The following ATP8A2 variants were observed in gnomAD, a reference collection of about 807,000 sequenced individuals.
ATP8A2 encodes ATPase phospholipid transporting 8A2.
In ATP8A2, 100 loss-of-function variants were observed where a neutral mutation model predicts 165.6. The ratio of observed to expected loss-of-function variants is 0.60; its 90% CI spans 0.51 to 0.71. The LOEUF (loss-of-function observed/expected upper bound fraction) is 0.71, where lower values mean the gene tolerates loss of function less well. ATP8A2 is among the 30% of genes least tolerant of loss of function. The probability of loss-of-function intolerance (pLI) is 0.00; values close to 1 mark genes in which losing one functional copy is unlikely to be tolerated. For synonymous variants in ATP8A2, 543 were observed against 548.8 expected, an observed-to-expected ratio of 0.99 and a Z score of 0.15; for missense variants, 1,227 against 1,479.5, an observed-to-expected ratio of 0.83 and a Z score of 2.80.
At chr13:25,824,045 T>C (rs1455152500) in intron 27 of ATP8A2, among the ~76,000 whole-genome samples, 1 of 152,054 alleles carries the variant, frequency 6.6e-6, no homozygotes, top group African/African-American at 2.4e-5. Context: ...ATCTTGGCTC[T>C]ATGCAACCTC....
chr13:25,987,202 C>T (rs1956293942), intron 35 of ATP8A2, among the ~76,000 whole-genome samples: 1 of 152,152 alleles, frequency 6.6e-6, no homozygotes, highest in South Asian at 2.1e-4. Context: ...ATAGCAGCCT[C>T]CCATCATTGG....
chr13:25,790,021 A>G (rs967249114), intron 27 of ATP8A2, among the ~76,000 whole-genome samples: 1 of 152,248 alleles, frequency 6.6e-6, no homozygotes, highest in African/African-American at 2.4e-5. Context: ...CTGGTTAGTC[A>G]TATGCAGAAG....
At chr13:25,512,436 C>T (rs1285523369) in intron 2 of ATP8A2, among the ~76,000 whole-genome samples, 1 of 152,110 alleles carries the variant, frequency 6.6e-6, no homozygotes, top group Non-Finnish European at 1.5e-5. Flanking sequence ...AGAGGGGCTC[C>T]TCACTTCCCA....
At chr13:25,576,271 A>G (rs1162978511) in intron 19 of ATP8A2, among the ~76,000 whole-genome samples, 10 of 152,166 alleles carry the variant, frequency 6.6e-5, no homozygotes, top group Admixed American at 6.5e-4. Flanking sequence ...GAACCACCAC[A>G]CTGAAAGGCC....
intron 6 of ATP8A2, 75 bp downstream of exon 6, chr13:25,533,388 G>A: frequency 2.4e-6 from 2 of 839,614 alleles, no homozygotes; most frequent in Non-Finnish European, 3.9e-6. Flanking sequence ...CTTGATTGCA[G>A]TATAAAGTTT....
chr13:25,872,296 C>T (rs1952700756), intron 33 of ATP8A2, among the ~76,000 whole-genome samples: 1 of 152,046 alleles, frequency 6.6e-6, no homozygotes, highest in Non-Finnish European at 1.5e-5. Context: ...TATAGGAGGA[C>T]GGTGTCAGCC....
At chr13:25,786,754 G>T (rs1025406196) in intron 27 of ATP8A2, among the ~76,000 whole-genome samples, 29 of 134,644 alleles carry the variant, frequency 2.2e-4, no homozygotes, top group African/African-American at 7.5e-4. Flanking sequence ...ACAATTCTAT[G>T]TTTTTTTTTT....
chr13:26,016,792 T>G (rs1268359260), intron 36 of ATP8A2, among the ~76,000 whole-genome samples: 1 of 152,146 alleles, frequency 6.6e-6, no homozygotes, highest in Non-Finnish European at 1.5e-5. Flanking sequence ...GAACTAGCAC[T>G]GACAGAGGGA....
chr13:25,575,872 T>A (rs2039602988), intron 19 of ATP8A2, among the ~76,000 whole-genome samples: 1 of 152,178 alleles, frequency 6.6e-6, no homozygotes, highest in Non-Finnish European at 1.5e-5. Flanking sequence ...CCAGCAGTTA[T>A]TGGACAGGCA....
intron 36 of ATP8A2, among the ~76,000 whole-genome samples, chr13:26,015,883 C>T (rs897168259): frequency 1.3e-4 from 20 of 152,178 alleles, no homozygotes; most frequent in African/African-American, 4.3e-4. Flanking sequence ...AGGCTTCCTC[C>T]GAGCTCCCCG....
At chr13:25,377,560 G>A (rs1303914241) in intron 1 of ATP8A2, among the ~76,000 whole-genome samples, 1 of 152,204 alleles carries the variant, frequency 6.6e-6, no homozygotes, top group Non-Finnish European at 1.5e-5. Flanking sequence ...AGTACTTTGG[G>A]AGGCCGAGAC....
intron 26 of ATP8A2, among the ~76,000 whole-genome samples, chr13:25,774,236 G>A (rs1056415385): frequency 6.6e-5 from 10 of 152,262 alleles, no homozygotes; most frequent in Non-Finnish European, 1.3e-4. Context: ...GCCATAAAAA[G>A]GAATGAGATC....
At chr13:25,566,062 C>G (rs990395807) in intron 16 of ATP8A2, among the ~76,000 whole-genome samples, 4 of 151,828 alleles carry the variant, frequency 2.6e-5, no homozygotes, top group Non-Finnish European at 5.9e-5. Context: ...ATATTTAAAA[C>G]TTTTTCTAAG....
intron 25 of ATP8A2, among the ~76,000 whole-genome samples, chr13:25,716,472 T>A (rs1327064446): frequency 1.3e-5 from 2 of 152,208 alleles, no homozygotes; most frequent in Admixed American, 1.3e-4. Flanking sequence ...TAGTCTTTCA[T>A]CTCCTTTTAG....
At chr13:25,674,140 C>T (rs1325588507) in intron 24 of ATP8A2, among the ~76,000 whole-genome samples, 2 of 152,088 alleles carry the variant, frequency 1.3e-5, no homozygotes, top group African/African-American at 4.8e-5. Flanking sequence ...TCAAGGTTGT[C>T]TGGCCCAAAG....
In ATP8A2 at chr13:25,465,952, T is replaced by C. The variant is rs1459512430; in HGVS notation, c.77-3025T>C. On this transcript the variant is annotated intron_variant, in intron 1 of 36. Transcript: ENST00000381655. ...GGGTTTTCTTTTCAGATGTTTCTTA[T>C]GTCCATCCTTTTATCCCAACCTCCA... Among the ~76,000 whole-genome samples the C allele has an allele frequency of 3.3e-5, 5 of 151,824 alleles. No individual in the cohort carries two copies. The East Asian group carries it at 7.8e-4, about 24-fold the overall frequency.
At chr13:25,402,366 C>G (rs1428718515) in intron 1 of ATP8A2, among the ~76,000 whole-genome samples, 1 of 152,132 alleles carries the variant, frequency 6.6e-6, no homozygotes, top group Non-Finnish European at 1.5e-5. Flanking sequence ...AGCAAGGTGT[C>G]AGACACAAAC....
Position 25,532,281 on chromosome 13 carries a change from A to G in ATP8A2, c.430A>G (p.Lys144Glu), listed in dbSNP as rs933751719. The change falls in exon 5 of 37, where the codon AAG becomes GAG. Residue 144 changes from lysine to glutamate, a missense_variant. By Grantham distance (56) the Lys-to-Glu change is moderately conservative (BLOSUM62 1). Coordinates refer to ENST00000381655, the MANE Select transcript of ATP8A2 (RefSeq NM_016529.6). ...KEIVEDFKRH[K>E]ADNAVNKKKT... Reference sequence around the variant, plus strand: ...TTTCTTTCTGTAACAGAAGCGACACAAGGCAGACAATGCAGTTAACAAAAA... The same window carrying G: ...TTTCTTTCTGTAACAGAAGCGACACGAGGCAGACAATGCAGTTAACAAAAA... 6 of 1,610,862 alleles carry G rather than the reference A, an allele frequency of 3.7e-6. No homozygotes were observed. Among genetic ancestry groups the G allele is most frequent in the Non-Finnish European group, 5.1e-6 (6 of 1,179,004 alleles).
At chr13:25,590,062 A>T (rs575221379) in intron 24 of ATP8A2, among the ~76,000 whole-genome samples, 1 of 152,250 alleles carries the variant, frequency 6.6e-6, no homozygotes, top group African/African-American at 2.4e-5. Context: ...CTAAGGAGAC[A>T]TGTATGATTT....
Sources: gnomAD v4.1 joint callset for allele counts (sites outside exome capture counted in the v4.1 genomes callset) on GRCh38, gnomAD v4.1.1 for gene constraint, MANE v1.5 for transcripts, NCBI Gene and HGNC (gene_info 2026-07-23, HGNC 2026-07-21) for gene names.